SLC1A6: variants seen among roughly 807,000 people sequenced by gnomAD.
SLC1A6 encodes the protein excitatory amino acid transporter 4.
In SLC1A6, 15 loss-of-function variants were observed where a neutral mutation model predicts 42.1. The observed-to-expected ratio is 0.36, with a 90% confidence interval of 0.24 to 0.55. The LOEUF (loss-of-function observed/expected upper bound fraction) is 0.55, where lower values mean the gene tolerates loss of function less well. SLC1A6 is among the 20% of genes least tolerant of loss of function. The pLI is 0.88. For synonymous variants in SLC1A6, 317 were observed against 319.7 expected, an observed-to-expected ratio of 0.99 and a Z score of 0.09; for missense variants, 542 against 772.5, an observed-to-expected ratio of 0.70 and a Z score of 3.54.
chr19:14,988,607 G>A lies in SLC1A6; in HGVS notation c.7-15690C>T, dbSNP rs543795299. Among the ~76,000 whole-genome samples the A allele has an allele frequency of 2.0e-5, 3 of 152,268 alleles. 1 individual carries two copies. The highest frequency in any genetic ancestry group is 3.4e-3 in the Middle Eastern group (1 of 294). On this transcript the variant is annotated intron_variant, in intron 1 of 8. Transcript: ENST00000430939. Reference sequence around the variant, plus strand: ...ATGAGATATCACCTAATACCTGTCAGAATATACACCATAGAATACTACTCA... The same window carrying A: ...ATGAGATATCACCTAATACCTGTCAAAATATACACCATAGAATACTACTCA...
intron 1 of SLC1A6, among the ~76,000 whole-genome samples, chr19:14,985,944 C>T (rs568166306): frequency 1.7e-4 from 26 of 151,820 alleles, no homozygotes; most frequent in African/African-American, 4.8e-4. Flanking sequence ...GGCAGCAGAG[C>T]GAGACTCTGT....
intron 6 of SLC1A6, among the ~76,000 whole-genome samples, chr19:14,958,196 A>G (rs542278494): frequency 2.6e-5 from 4 of 152,164 alleles, no homozygotes; most frequent in African/African-American, 9.6e-5. Context: ...AGATCACTTG[A>G]GGTCAGGAGT....
chr19:14,973,157 T>G (rs1346014944), intron 1 of SLC1A6: 14 of 516,838 alleles, frequency 2.7e-5, no homozygotes, highest in Non-Finnish European at 4.4e-5. Flanking sequence ...TCCTAAATAT[T>G]TGGGAGGCTG....
At chr19:14,987,182 A>G (rs1264802441) in intron 1 of SLC1A6, among the ~76,000 whole-genome samples, 1 of 152,042 alleles carries the variant, frequency 6.6e-6, no homozygotes, top group Non-Finnish European at 1.5e-5. Context: ...AAAAACAATA[A>G]TGAGGGCTGG....
chr19:14,955,007 A>G (rs2045448569), intron 7 of SLC1A6, among the ~76,000 whole-genome samples: 1 of 152,106 alleles, frequency 6.6e-6, no homozygotes, highest in African/African-American at 2.4e-5. Context: ...TTCTCTATCC[A>G]TCTACCCGCC....
chr19:14,956,165 G>T (rs1157234661), intron 7 of SLC1A6, among the ~76,000 whole-genome samples: 2 of 152,092 alleles, frequency 1.3e-5, no homozygotes, highest in African/African-American at 4.8e-5. Context: ...TCTCACAAGT[G>T]GAGATGACAC....
intron 4 of SLC1A6, among the ~76,000 whole-genome samples, chr19:14,966,886 G>A (rs1425653165): frequency 1.3e-5 from 2 of 152,000 alleles, no homozygotes; most frequent in East Asian, 3.9e-4. Context: ...GGGGCTGTGG[G>A]GGCAAAGGGA....
rs768417398 is a variant in SLC1A6, at chr19:14,957,652, T to C, written c.936-943A>G. Among the ~76,000 whole-genome samples, 9 of 152,226 alleles carry C rather than the reference T, an allele frequency of 5.9e-5. No individual in the cohort carries two copies. In the South Asian group the frequency reaches 8.3e-4, roughly 14 times the overall value. On this transcript the variant is annotated intron_variant, in intron 6 of 9. Coordinates refer to ENST00000594383, the MANE Select transcript of SLC1A6 (RefSeq NM_005071.3). Reference sequence around the variant, plus strand: ...TAAGCCACAATGTCTATGGTATTTTTGTTACAGCAGCTGACATGAACTAAG... The same window carrying C: ...TAAGCCACAATGTCTATGGTATTTTCGTTACAGCAGCTGACATGAACTAAG...
At chr19:14,957,300 C>A (rs577373171) in intron 6 of SLC1A6, among the ~76,000 whole-genome samples, 2 of 152,314 alleles carry the variant, frequency 1.3e-5, no homozygotes, top group African/African-American at 4.8e-5. Context: ...ACATGGCTCT[C>A]GTCCTCAAAG....
At chr19:14,994,776 A>G (rs1347010438) in intron 1 of SLC1A6, among the ~76,000 whole-genome samples, 2 of 152,172 alleles carry the variant, frequency 1.3e-5, no homozygotes, top group Non-Finnish European at 2.9e-5. Flanking sequence ...CGCCATCCTG[A>G]GTTTCTTTCT....
intron 6 of SLC1A6, among the ~76,000 whole-genome samples, chr19:14,961,078 A>AT (rs35298524): frequency 0.68 from 102,513 of 150,942 alleles, 34,857 homozygotes; most frequent in African/African-American, 0.73. Flanking sequence ...CACCCAGCTA[A>AT]TTTTTTTTGT....
At chr19:14,962,426 ATTC>A (rs1431761493) in intron 5 of SLC1A6, 81 bp from the exon 6 acceptor site, 1 of 955,980 alleles carries the variant, frequency 1.0e-6, no homozygotes, top group Non-Finnish European at 1.6e-6. Context: ...GAGACCACTG[ATTC>A]CCAGTTCCCA....
At chr19:15,004,169 A>C (rs960305738) in intron 1 of SLC1A6, among the ~76,000 whole-genome samples, 3 of 152,120 alleles carry the variant, frequency 2.0e-5, no homozygotes, top group African/African-American at 7.2e-5. Context: ...AAAAATTAAT[A>C]ATGCATAAAT....
At chr19:14,993,022 C>A (rs767344032) in intron 1 of SLC1A6, among the ~76,000 whole-genome samples, 1 of 152,148 alleles carries the variant, frequency 6.6e-6, no homozygotes, top group Non-Finnish European at 1.5e-5. Context: ...GTTCCCAGGG[C>A]CCCAGAGGGA....
chr19:15,010,638 C>G (rs1330788858), upstream of SLC1A6: 2 of 680,236 alleles, frequency 2.9e-6, no homozygotes, highest in East Asian at 5.5e-5. Context: ...GGCCAAGTTC[C>G]AAAGCAAAGA....
chr19:14,975,202 A>C (rs62113281), intron 1 of SLC1A6: 7 of 41,180 alleles, frequency 1.7e-4, no homozygotes, highest in Non-Finnish European at 3.4e-4. Context: ...CTACAGCTAG[A>C]TAGAAAGAAT....
intron 8 of SLC1A6, 134 bp from the exon 9 acceptor site, chr19:14,953,196 G>C (rs2045428925): frequency 1.5e-6 from 1 of 677,796 alleles, no homozygotes; most frequent in Non-Finnish European, 2.5e-6. Context: ...GCCAGACACA[G>C]AGAGAAAAAT....
intron 4 of SLC1A6, among the ~76,000 whole-genome samples, chr19:14,964,868 A>G (rs765040039): frequency 2.0e-5 from 3 of 152,178 alleles, no homozygotes; most frequent in African/African-American, 4.8e-5. Flanking sequence ...TAAAACCACA[A>G]TGAGATAACC....
rs1205541886 is a variant in SLC1A6, at chr19:14,967,195, A to G, written c.548+1108T>C. The stretch of plus-strand genomic sequence containing the variant: ...AGCAGCAGCTGCTGTTGGAGAATAT[A>G]TACAAGGCTCCAGGGCAGAAATTGG... On this transcript the variant is annotated intron_variant, in intron 4 of 9. Coordinates refer to ENST00000594383, the MANE Select transcript of SLC1A6 (RefSeq NM_005071.3). 2.6e-5 allele frequency among the ~76,000 whole-genome samples: 4 copies of G among 152,208 alleles called. No individual in the cohort carries two copies. The East Asian group carries it at 7.7e-4, about 29-fold the overall frequency.
Sources: allele counts gnomAD v4.1 joint callset (sites outside exome capture counted in the v4.1 genomes callset), GRCh38; gene constraint gnomAD v4.1.1; transcripts MANE v1.5; gene names NCBI Gene and HGNC (gene_info 2026-07-23, HGNC 2026-07-21).